The following SUSD6 variants were observed in gnomAD, a reference collection of about 807,000 sequenced individuals.
SUSD6 encodes the protein sushi domain containing 6, also known as sushi domain-containing protein 6.
Under a neutral mutation model 28.4 loss-of-function variants are expected in SUSD6, and 16 were observed. The ratio of observed to expected loss-of-function variants is 0.56; its 90% CI spans 0.38 to 0.86. The LOEUF is 0.86. Ranked by LOEUF, SUSD6 falls within the 40% of genes least tolerant of loss-of-function variation. The pLI, the probability that SUSD6 is intolerant of heterozygous loss-of-function variation, is 0.00. For synonymous variants in SUSD6, 147 were observed against 159.6 expected, an observed-to-expected ratio of 0.92 and a Z score of 0.59; for missense variants, 341 against 384.2, an observed-to-expected ratio of 0.89 and a Z score of 0.94.
intron 1 of SUSD6, among the ~76,000 whole-genome samples, chr14:69,621,496 C>A (rs772968767): frequency 4.6e-5 from 7 of 152,080 alleles, no homozygotes; most frequent in Non-Finnish European, 7.4e-5. Context: ...TTTAGCAAGG[C>A]CAATCAGAAA....
intron 1 of SUSD6, among the ~76,000 whole-genome samples, chr14:69,619,627 T>C (rs985215734): frequency 6.6e-6 from 1 of 151,158 alleles, no homozygotes; most frequent in African/African-American, 2.4e-5. Context: ...AAAAATTAGC[T>C]GGGCATGGTG....
At chr14:69,619,713 A>G (rs566030130) in intron 1 of SUSD6, among the ~76,000 whole-genome samples, 5 of 152,094 alleles carry the variant, frequency 3.3e-5, no homozygotes, top group Non-Finnish European at 4.4e-5. Context: ...CAAGACTGCA[A>G]TGAGCTATGA....
chr14:69,666,973 T>C (rs1885751517), intron 2 of SUSD6, among the ~76,000 whole-genome samples: 1 of 152,236 alleles, frequency 6.6e-6, no homozygotes, highest in Admixed American at 6.5e-5. Flanking sequence ...TGACACTCTA[T>C]GAAATACAAA....
chr14:69,702,331 C>T lies in SUSD6; in HGVS notation c.122-1064C>T, dbSNP rs189217690. Among the ~76,000 whole-genome samples, 180 of 152,320 alleles carry T rather than the reference C, an allele frequency of 1.2e-3. 1 individual carries two copies. The highest frequency in any genetic ancestry group is 4.1e-3 in the African/African-American group (169 of 41,568). Reference sequence around the variant, plus strand: ...AGTGCCCCCACTTTTACTGTTTTGGCTGGTAATACCCGGCAGTCCACCACC... The same window carrying T: ...AGTGCCCCCACTTTTACTGTTTTGGTTGGTAATACCCGGCAGTCCACCACC... On this transcript the variant is annotated intron_variant, in intron 2 of 5. Transcript: ENST00000342745.
At chr14:69,679,973 T>C (rs1048449409) in intron 2 of SUSD6, among the ~76,000 whole-genome samples, 2 of 152,224 alleles carry the variant, frequency 1.3e-5, no homozygotes, top group African/African-American at 4.8e-5. Flanking sequence ...ACATCTTCCC[T>C]ATCTGAATAT....
At chr14:69,702,652 A>G (rs181658357) in intron 2 of SUSD6, among the ~76,000 whole-genome samples, 1 of 152,350 alleles carries the variant, frequency 6.6e-6, no homozygotes, top group East Asian at 1.9e-4. Flanking sequence ...CTGTGACCCC[A>G]AGCCTGCCAT....
In SUSD6 at chr14:69,704,959, G is replaced by C. The variant is rs113456807; in HGVS notation, c.458+217G>C. ...TCTTAATCCTCATAGGAACATTGCA[G>C]ATGAGGAAATTGAGGCTCAGAGAGG... On this transcript the variant is annotated intron_variant, in intron 4 of 5. Coordinates refer to ENST00000342745, the MANE Select transcript of SUSD6 (RefSeq NM_014734.4). 1.8e-3 allele frequency among the ~76,000 whole-genome samples: 276 copies of C among 152,314 alleles called. 2 individuals are homozygous for C. Among genetic ancestry groups the C allele is most frequent in the African/African-American group, 6.4e-3 (266 of 41,556 alleles).
chr14:69,661,797 T>C (rs1239538368), intron 2 of SUSD6, among the ~76,000 whole-genome samples: 1 of 152,178 alleles, frequency 6.6e-6, no homozygotes, highest in Non-Finnish European at 1.5e-5. Context: ...CTTGTGTTTC[T>C]TTTTTCTTTT....
chr14:69,653,980 TATAAACAC>T (rs1202181754), intron 1 of SUSD6, among the ~76,000 whole-genome samples: 2 of 152,132 alleles, frequency 1.3e-5, no homozygotes, highest in African/African-American at 4.8e-5. Flanking sequence ...TAGCCTTACA[TATAAACAC>T]CCCACTGACT....
intron 2 of SUSD6, among the ~76,000 whole-genome samples, chr14:69,674,206 A>G (rs1885874574): frequency 6.6e-6 from 1 of 152,184 alleles, no homozygotes; most frequent in Non-Finnish European, 1.5e-5. Context: ...CCAGCTTCAC[A>G]GGCTGTCTGA....
At chr14:69,694,782 T>C (rs983001682) in intron 2 of SUSD6, among the ~76,000 whole-genome samples, 9 of 152,236 alleles carry the variant, frequency 5.9e-5, no homozygotes, top group Admixed American at 5.2e-4. Flanking sequence ...ATTTTCCCTC[T>C]CCTGTGAGGG....
chr14:69,705,474 A>C (rs1290874348), intron 4 of SUSD6, among the ~76,000 whole-genome samples: 1 of 152,210 alleles, frequency 6.6e-6, no homozygotes, highest in African/African-American at 2.4e-5. Flanking sequence ...GGTGAGGCCC[A>C]GTGATATTGT....
chr14:69,702,863 C>T (rs754650141), intron 2 of SUSD6, among the ~76,000 whole-genome samples: 68 of 152,150 alleles, frequency 4.5e-4, no homozygotes, highest in Non-Finnish European at 9.3e-4. Flanking sequence ...CAGGTGGTGC[C>T]ATTGACTACT....
chr14:69,693,400 C>T (rs1490130872), intron 2 of SUSD6, among the ~76,000 whole-genome samples: 1 of 152,144 alleles, frequency 6.6e-6, no homozygotes, highest in Non-Finnish European at 1.5e-5. Context: ...CAGCCAAGAG[C>T]AGCCTGGGCT....
At chr14:69,676,303 G>A (rs945754211) in intron 2 of SUSD6, among the ~76,000 whole-genome samples, 1 of 152,152 alleles carries the variant, frequency 6.6e-6, no homozygotes, top group Non-Finnish European at 1.5e-5. Flanking sequence ...AAGGTGGTAA[G>A]GTTTGTTTCC....
At chr14:69,641,139 G>A (rs1885345517) in intron 1 of SUSD6, among the ~76,000 whole-genome samples, 1 of 152,178 alleles carries the variant, frequency 6.6e-6, no homozygotes, top group South Asian at 2.1e-4. Flanking sequence ...TTGCTCCTCT[G>A]TCTGCCATGT....
chr14:69,630,067 G>A (rs764681515), intron 1 of SUSD6, among the ~76,000 whole-genome samples: 5 of 152,214 alleles, frequency 3.3e-5, no homozygotes, highest in Admixed American at 2.0e-4. Context: ...TAGGCAGGCT[G>A]ATAATAAAAG....
chr14:69,650,003 T>C (rs1371781548), intron 1 of SUSD6, among the ~76,000 whole-genome samples: 1 of 152,224 alleles, frequency 6.6e-6, no homozygotes, highest in East Asian at 1.9e-4. Context: ...CAGAAACTAA[T>C]ATTATTTTAG....
chr14:69,632,376 C>T (rs1885207394), intron 1 of SUSD6, among the ~76,000 whole-genome samples: 2 of 152,158 alleles, frequency 1.3e-5, no homozygotes, highest in African/African-American at 2.4e-5. Flanking sequence ...TCCCTCCTCC[C>T]TCAGTAAATG....
Sources: allele counts gnomAD v4.1 joint callset (sites outside exome capture counted in the v4.1 genomes callset), GRCh38; gene constraint gnomAD v4.1.1; transcripts MANE v1.5; gene names NCBI Gene and HGNC (gene_info 2026-07-23, HGNC 2026-07-21).